The following LAMA2 variants were observed in gnomAD, a reference collection of about 807,000 sequenced individuals.
LAMA2 encodes laminin subunit alpha-2.
LAMA2 carries 269 observed loss-of-function variants against 364.8 expected under a neutral mutation model. The observed-to-expected ratio is 0.74, with a 90% CI of 0.67 to 0.82. The LOEUF (loss-of-function observed/expected upper bound fraction) is 0.82. Among genes scored for constraint, LAMA2 ranks in the 40% least tolerant of loss-of-function variants. The pLI, the probability that LAMA2 is intolerant of heterozygous loss-of-function variation, is 0.00. For missense variants in LAMA2, 3,807 were observed against 3,873.2 expected (o/e 0.98, Z 0.45); for synonymous variants, 1,379 against 1,370.6 (o/e 1.01, Z -0.14).
chr6:129,322,273 A>G (rs1249329580), intron 28 of LAMA2, among the ~76,000 whole-genome samples: 1 of 152,186 alleles, frequency 6.6e-6, no homozygotes, highest in East Asian at 1.9e-4. Flanking sequence ...ACACTAGTAA[A>G]CTTATACTGG....
At chr6:129,006,729 G>C (rs1407214439) in intron 1 of LAMA2, among the ~76,000 whole-genome samples, 1 of 152,104 alleles carries the variant, frequency 6.6e-6, no homozygotes, top group African/African-American at 2.4e-5. Context: ...ATCGTGTCCA[G>C]TATAAAATCG....
At chr6:129,126,863 G>A (rs933155200) in intron 4 of LAMA2, among the ~76,000 whole-genome samples, 7 of 152,156 alleles carry the variant, frequency 4.6e-5, no homozygotes, top group African/African-American at 1.7e-4. Flanking sequence ...TTGAGCTCAG[G>A]AGTTTGAGAC....
intron 4 of LAMA2, among the ~76,000 whole-genome samples, chr6:129,105,155 A>G (rs1775745291): frequency 6.6e-6 from 1 of 152,136 alleles, no homozygotes; most frequent in Non-Finnish European, 1.5e-5. Flanking sequence ...GAGCTCCCTA[A>G]TAGGAGTTGC....
At chr6:129,119,063 T>C (rs577080324) in intron 4 of LAMA2, among the ~76,000 whole-genome samples, 6 of 152,348 alleles carry the variant, frequency 3.9e-5, no homozygotes, top group African/African-American at 1.4e-4. Flanking sequence ...CCCTCTTCTC[T>C]CCATGTTCTT....
chr6:129,461,728 A>G (rs1444345436), intron 49 of LAMA2, among the ~76,000 whole-genome samples: 2 of 151,986 alleles, frequency 1.3e-5, no homozygotes, highest in Admixed American at 1.3e-4. Context: ...GCACTTCAAC[A>G]CATAAAGTAT....
chr6:129,350,908 A>G (rs887766088), intron 31 of LAMA2, among the ~76,000 whole-genome samples: 2 of 152,224 alleles, frequency 1.3e-5, no homozygotes, highest in African/African-American at 4.8e-5. Context: ...ATTTGCATAT[A>G]TATAAAACAG....
At chr6:129,202,505 G>A (rs1368531649) in intron 12 of LAMA2, among the ~76,000 whole-genome samples, 1 of 152,068 alleles carries the variant, frequency 6.6e-6, no homozygotes, top group Non-Finnish European at 1.5e-5. Context: ...GAAGCAGAGA[G>A]CAAGCCCTCA....
In LAMA2 at chr6:129,214,315, C is replaced by T. The variant is rs1055214284; in HGVS notation, c.1782+21462C>T. 1.5e-4 allele frequency among the ~76,000 whole-genome samples: 23 copies of T among 152,264 alleles called. No individual in the cohort carries two copies. The South Asian group carries it at 3.9e-3, about 26-fold the overall frequency. ...AAGAGGGAGCCTTCCTTTTTAACAA[C>T]CCACCCTCGAGGTAGCTAATCCAGT... On this transcript the variant is annotated intron_variant, in intron 12 of 64. Transcript: ENST00000421865.
chr6:129,279,033 T>G (rs1399910353), intron 17 of LAMA2, among the ~76,000 whole-genome samples: 1 of 152,198 alleles, frequency 6.6e-6, no homozygotes, highest in Non-Finnish European at 1.5e-5. Context: ...TGTTGTTATG[T>G]CTTTAATTCA....
chr6:129,306,341 A>G (rs1439251923), intron 22 of LAMA2, among the ~76,000 whole-genome samples: 3 of 116,846 alleles, frequency 2.6e-5, no homozygotes, highest in East Asian at 5.3e-4. Flanking sequence ...TTTGTTCCAG[A>G]AAGGTGTTTT....
intron 8 of LAMA2, chr6:129,157,581 G>A (rs1779187615): frequency 3.1e-6 from 5 of 1,612,664 alleles, no homozygotes; most frequent in Non-Finnish European, 3.4e-6. Context: ...AATTCTCAAC[G>A]CTGTGAGTCT....
chr6:128,994,958 A>G (rs1783836869), intron 1 of LAMA2, among the ~76,000 whole-genome samples: 1 of 152,026 alleles, frequency 6.6e-6, no homozygotes, highest in South Asian at 2.1e-4. Flanking sequence ...TAGATTTGTG[A>G]CTCTTCAGTG....
intron 6 of LAMA2, among the ~76,000 whole-genome samples, chr6:129,147,403 C>A (rs189427653): frequency 7.5e-5 from 11 of 147,634 alleles, no homozygotes; most frequent in East Asian, 6.0e-4. Context: ...AGTTTCTAAT[C>A]AAAAAATTAA....
intron 1 of LAMA2, among the ~76,000 whole-genome samples, chr6:129,026,113 G>C (rs554061865): frequency 6.6e-6 from 1 of 152,054 alleles, no homozygotes; most frequent in African/African-American, 2.4e-5. Flanking sequence ...ACTATTTTCC[G>C]TAAAATATGT....
intron 9 of LAMA2, among the ~76,000 whole-genome samples, chr6:129,168,046 T>C (rs1779876855): frequency 6.7e-6 from 1 of 148,932 alleles, no homozygotes; most frequent in African/African-American, 2.5e-5. Flanking sequence ...TTGAGTTCAT[T>C]GTAGATTCTG....
At chr6:129,505,969 C>CT (rs1209580581) in intron 61 of LAMA2, among the ~76,000 whole-genome samples, 1 of 152,152 alleles carries the variant, frequency 6.6e-6, no homozygotes, top group Non-Finnish European at 1.5e-5. Flanking sequence ...GCAAGTTAAT[C>CT]TTTTTTAACA....
chr6:129,388,884 A>G (rs1356987580), intron 35 of LAMA2, among the ~76,000 whole-genome samples: 1 of 152,206 alleles, frequency 6.6e-6, no homozygotes, highest in Non-Finnish European at 1.5e-5. Context: ...AGATAGTACC[A>G]TAGGTAGAGC....
At chr6:129,062,917 T>TTG (rs1789028870) in intron 3 of LAMA2, among the ~76,000 whole-genome samples, 1 of 151,512 alleles carries the variant, frequency 6.6e-6, no homozygotes, top group Admixed American at 6.6e-5. Context: ...AGTGGGTTTT[T>TTG]TTTTTTTTTT....
chr6:129,252,379 A>G, intron 14 of LAMA2, 84 bp downstream of exon 14: 1 of 977,462 alleles, frequency 1.0e-6, no homozygotes, highest in Non-Finnish European at 1.6e-6. Context: ...TGAATTTTTT[A>G]AGGCACCTAG....
Sources: gnomAD v4.1 joint callset for allele counts (sites outside exome capture counted in the v4.1 genomes callset) on GRCh38, gnomAD v4.1.1 for gene constraint, MANE v1.5 for transcripts, NCBI Gene and HGNC (gene_info 2026-07-23, HGNC 2026-07-21) for gene names.